MAST4: variants seen among roughly 807,000 people sequenced by gnomAD.
MAST4 encodes the protein microtubule associated serine/threonine kinase family member 4, also known as microtubule-associated serine/threonine-protein kinase 4.
MAST4 carries 89 observed loss-of-function variants against 162.7 expected under a neutral mutation model. That is an observed-to-expected ratio of 0.55 (90% CI 0.46 to 0.65). The LOEUF is 0.65. MAST4 is among the 30% of genes least tolerant of loss of function. MAST4 has a pLI of 0.00. For missense variants in MAST4, 3,153 were observed against 3,374.0 expected, an observed-to-expected ratio of 0.93 and a Z score of 1.62; for synonymous variants, 1,479 against 1,361.1, an observed-to-expected ratio of 1.09 and a Z score of -1.91.
At chr5:66,913,795 TGTTA>T (rs1763929173) in intron 4 of MAST4, among the ~76,000 whole-genome samples, 1 of 152,238 alleles carries the variant, frequency 6.6e-6, no homozygotes, top group East Asian at 1.9e-4. Flanking sequence ...CTATGATTAA[TGTTA>T]GTTGATTTTT....
intron 1 of MAST4, among the ~76,000 whole-genome samples, chr5:66,679,669 T>A (rs779979965): frequency 6.6e-6 from 1 of 152,080 alleles, no homozygotes; most frequent in Non-Finnish European, 1.5e-5. Flanking sequence ...ACCATTCCAA[T>A]GATTCTAAAG....
intron 13 of MAST4, 90 bp from the exon 14 acceptor site, chr5:67,120,927 C>A: frequency 1.1e-6 from 1 of 922,414 alleles, no homozygotes; most frequent in South Asian, 1.5e-5. Flanking sequence ...TATTACATAA[C>A]AGCATGTCCT....
rs1746509215 is a variant in MAST4 at position 66,964,937 on chromosome 5, C to T, written c.674+64955C>T. On this transcript the variant is annotated intron_variant, in intron 4 of 28. Transcript: ENST00000403625. ...ACGAATTTGCCACTTATGGCCACTT[C>T]CTTAAAAATATTAACTTACAAGCTT... Among the ~76,000 whole-genome samples, 3 of 152,174 alleles carry T rather than the reference C, an allele frequency of 2.0e-5. No individual in the cohort carries two copies. The South Asian group carries it at 6.2e-4, about 32-fold the overall frequency.
At chr5:67,149,047 G>C (rs750256052) in intron 23 of MAST4, among the ~76,000 whole-genome samples, 6 of 152,080 alleles carry the variant, frequency 3.9e-5, no homozygotes, top group Non-Finnish European at 7.4e-5. Flanking sequence ...GGTATGGGGG[G>C]GGTAGGGGCA....
At chr5:67,091,655 C>A (rs1296019278) in intron 6 of MAST4, among the ~76,000 whole-genome samples, 1 of 152,044 alleles carries the variant, frequency 6.6e-6, no homozygotes, top group Non-Finnish European at 1.5e-5. Flanking sequence ...AAGTAATAAG[C>A]AAAATGGAAA....
At chr5:67,100,357 T>C in intron 7 of MAST4, 78 bp from the exon 8 acceptor site, 1 of 1,442,914 alleles carries the variant, frequency 6.9e-7, no homozygotes, top group Non-Finnish European at 9.6e-7. Flanking sequence ...TGTCCAAGTT[T>C]AACTCATCGA....
chr5:66,930,688 G>A (rs1480057024), intron 4 of MAST4: 2 of 470,450 alleles, frequency 4.3e-6, no homozygotes, highest in Non-Finnish European at 8.8e-6. Flanking sequence ...AGGAATGTGT[G>A]AAGCAGGAAA....
At chr5:67,135,629 A>T (rs1280117978) in intron 18 of MAST4, among the ~76,000 whole-genome samples, 1 of 152,228 alleles carries the variant, frequency 6.6e-6, no homozygotes, top group Non-Finnish European at 1.5e-5. Context: ...CCTGCAGTGT[A>T]TGACCCCTTT....
chr5:66,915,953 C>A (rs1490661787), intron 4 of MAST4, among the ~76,000 whole-genome samples: 3 of 152,200 alleles, frequency 2.0e-5, no homozygotes, highest in Non-Finnish European at 4.4e-5. Context: ...GTGTTTCTAG[C>A]ATTACCATCA....
At chr5:67,049,065 A>G (rs1361343932) in intron 4 of MAST4, among the ~76,000 whole-genome samples, 15 of 140,366 alleles carry the variant, frequency 1.1e-4, no homozygotes, top group Non-Finnish European at 2.0e-4. Context: ...ATATACGTAT[A>G]TATATATATA....
chr5:66,711,789 C>T (rs1561279391), intron 1 of MAST4, among the ~76,000 whole-genome samples: 1 of 152,164 alleles, frequency 6.6e-6, no homozygotes, highest in Non-Finnish European at 1.5e-5. Flanking sequence ...GTGCCGAGAT[C>T]ATGCCATTGC....
At chr5:66,794,671 A>G (rs1252276763) in intron 3 of MAST4, among the ~76,000 whole-genome samples, 3 of 152,184 alleles carry the variant, frequency 2.0e-5, no homozygotes, top group African/African-American at 4.8e-5. Flanking sequence ...AAACTGAAAA[A>G]TATCTTTCTA....
chr5:66,894,778 C>T (rs1011189060), intron 3 of MAST4, among the ~76,000 whole-genome samples: 10 of 152,190 alleles, frequency 6.6e-5, no homozygotes, highest in Non-Finnish European at 1.3e-4. Context: ...GCAAGTTGCT[C>T]AACTTCCAAA....
intron 3 of MAST4, among the ~76,000 whole-genome samples, chr5:66,888,367 A>G (rs1280903158): frequency 3.9e-5 from 6 of 152,228 alleles, no homozygotes; most frequent in Non-Finnish European, 8.8e-5. Flanking sequence ...TAGCAGTTCA[A>G]GAGGTCCCTT....
intron 4 of MAST4, among the ~76,000 whole-genome samples, chr5:66,904,919 C>T (rs975974146): frequency 9.9e-5 from 15 of 152,074 alleles, no homozygotes; most frequent in African/African-American, 3.1e-4. Flanking sequence ...AGCCCTTTCC[C>T]CCTTGCCTCC....
intron 2 of MAST4, among the ~76,000 whole-genome samples, chr5:66,774,245 G>T (rs974061717): frequency 6.6e-6 from 1 of 152,256 alleles, no homozygotes; most frequent in East Asian, 1.9e-4. Flanking sequence ...AATAATGAGA[G>T]CTGGGTAAAC....
intron 4 of MAST4, chr5:67,003,717 A>G (rs548331084): frequency 7.9e-5 from 12 of 152,336 alleles, no homozygotes; most frequent in African/African-American, 2.9e-4. Flanking sequence ...TTCAAAATGA[A>G]TAACAAGAAC....
At chr5:67,044,697 A>G (rs897561253) in intron 4 of MAST4, among the ~76,000 whole-genome samples, 4 of 152,142 alleles carry the variant, frequency 2.6e-5, no homozygotes, top group South Asian at 4.1e-4. Flanking sequence ...AATATTTTAT[A>G]GAGTGGGGTT....
chr5:66,884,745 C>T (rs575518275), intron 3 of MAST4, among the ~76,000 whole-genome samples: 5 of 152,296 alleles, frequency 3.3e-5, no homozygotes, highest in South Asian at 4.2e-4. Context: ...TGAAAAAAGA[C>T]GGCTAGCCGC....
Sources: gnomAD v4.1 joint callset for allele counts (sites outside exome capture counted in the v4.1 genomes callset) on GRCh38, gnomAD v4.1.1 for gene constraint, MANE v1.5 for transcripts, NCBI Gene and HGNC (gene_info 2026-07-23, HGNC 2026-07-21) for gene names.